The following CAPN8 variants were observed in gnomAD, a reference collection of about 807,000 sequenced individuals.
CAPN8 encodes the protein calpain 8.
CAPN8 carries 87 observed loss-of-function variants against 80.9 expected under a neutral mutation model. The ratio of observed to expected loss-of-function variants is 1.07; its 90% CI spans 0.90 to 1.28. The LOEUF (loss-of-function observed/expected upper bound fraction) is 1.28, where lower values mean the gene tolerates loss of function less well. CAPN8 is among the 50% of genes most tolerant of loss of function. The probability of loss-of-function intolerance (pLI) is 0.00; values close to 1 mark genes in which losing one functional copy is unlikely to be tolerated. For synonymous variants in CAPN8, 299 were observed against 273.8 expected (o/e 1.09, Z -0.91); for missense variants, 757 against 702.0 (o/e 1.08, Z -0.89).
At chr1:223,610,992 C>T (rs558145581) in intron 11 of CAPN8, among the ~76,000 whole-genome samples, 59 of 147,888 alleles carry the variant, frequency 4.0e-4, no homozygotes, top group African/African-American at 1.5e-3. Context: ...TTCAGAAGCA[C>T]ATTCTAAGTT....
intron 2 of CAPN8, chr1:223,642,544 G>T (rs936562281): frequency 3.4e-6 from 1 of 294,722 alleles, no homozygotes; most frequent in Admixed American, 4.6e-5. Context: ...GCATTTGGCC[G>T]AGGACTATTC....
intron 1 of CAPN8, among the ~76,000 whole-genome samples, chr1:223,660,091 T>G (rs988233002): frequency 6.6e-6 from 1 of 152,194 alleles, no homozygotes; most frequent in Admixed American, 6.5e-5. Context: ...CTGAGGCCTG[T>G]CACCCTCATC....
chr1:223,658,052 C>T (rs1181065594), intron 1 of CAPN8, among the ~76,000 whole-genome samples: 1 of 152,108 alleles, frequency 6.6e-6, no homozygotes, highest in African/African-American at 2.4e-5. Flanking sequence ...TCAAGGAACC[C>T]CTGGCTCTTG....
At chr1:223,548,541 G>A (rs1656693538) in intron 16 of CAPN8, among the ~76,000 whole-genome samples, 1 of 152,168 alleles carries the variant, frequency 6.6e-6, no homozygotes, top group African/African-American at 2.4e-5. Flanking sequence ...TGAAATTAGT[G>A]CCCTTATAAA....
intron 2 of CAPN8, among the ~76,000 whole-genome samples, chr1:223,633,055 G>T (rs1022714001): frequency 6.6e-6 from 1 of 152,208 alleles, no homozygotes; most frequent in African/African-American, 2.4e-5. Context: ...AGCACAGTGT[G>T]AGTCTAGCTC....
intron 9 of CAPN8, chr1:223,618,062 A>G: frequency 1.6e-6 from 1 of 634,150 alleles, no homozygotes; most frequent in Non-Finnish European, 2.8e-6. Context: ...CCCTGCAGTG[A>G]GCTCTGTCAT....
intron 2 of CAPN8, among the ~76,000 whole-genome samples, chr1:223,652,245 G>A (rs1658361937): frequency 6.6e-6 from 1 of 152,056 alleles, no homozygotes; most frequent in Non-Finnish European, 1.5e-5. Context: ...AGGAGGTTGA[G>A]GTGGGAGGAT....
chr1:223,641,578 T>C (rs1260920476), intron 2 of CAPN8, among the ~76,000 whole-genome samples: 1 of 152,164 alleles, frequency 6.6e-6, no homozygotes, highest in Non-Finnish European at 1.5e-5. Context: ...AGGAATAAAG[T>C]CCAGAATTCT....
intron 9 of CAPN8, chr1:223,617,529 T>G (rs4075735): frequency 0.75 from 114,286 of 152,056 alleles, 43,914 homozygotes; most frequent in African/African-American, 0.92. Flanking sequence ...AGATACCTTG[T>G]GCACCCCCTA....
chr1:223,643,565 A>G (rs564113346), intron 2 of CAPN8, among the ~76,000 whole-genome samples: 1 of 152,388 alleles, frequency 6.6e-6, no homozygotes, highest in African/African-American at 2.4e-5. Context: ...AAAGAGATAG[A>G]AAGGAAGCAA....
rs1656591642 is a variant in CAPN8, at chr1:223,545,311, A to G, written c.1765-12T>C. On this transcript the variant is annotated splice_polypyrimidine_tract_variant and intron_variant, in intron 16 of 20. Coordinates refer to ENST00000366872, the MANE Select transcript of CAPN8 (RefSeq NM_001143962.2). ...CCCGTTCCATTGCTCTAGGCACATT[A>G]AAGACCAACATGATTGAGTCCAAAT... The G allele has an allele frequency of 3.2e-6, 5 of 1,551,542 alleles. No homozygotes were observed. The highest frequency in any genetic ancestry group is 2.0e-5 in the Admixed American group (1 of 51,000).
At chr1:223,638,453 C>T (rs776977317) in intron 2 of CAPN8, among the ~76,000 whole-genome samples, 1 of 152,086 alleles carries the variant, frequency 6.6e-6, no homozygotes, top group Non-Finnish European at 1.5e-5. Context: ...GTATATGTAA[C>T]AGCAGGTATG....
intron 2 of CAPN8, among the ~76,000 whole-genome samples, chr1:223,639,875 G>A (rs1285908133): frequency 6.6e-6 from 1 of 152,240 alleles, no homozygotes; most frequent in African/African-American, 2.4e-5. Context: ...GCCAGGCAGT[G>A]TCAGAGCCAG....
intron 1 of CAPN8, among the ~76,000 whole-genome samples, chr1:223,661,165 TA>T (rs60908710): frequency 0.28 from 37,476 of 135,936 alleles, 4,913 homozygotes; most frequent in Middle Eastern, 0.33. Context: ...GACCCTGTCT[TA>T]AAAAAAAAAA....
At chr1:223,549,279 A>G (rs1277664894) in intron 16 of CAPN8, 39 bp downstream of exon 16, 1 of 1,526,202 alleles carries the variant, frequency 6.6e-7, no homozygotes, top group Non-Finnish European at 8.8e-7. Context: ...AACCGGACGA[A>G]AGTAAAAAAA....
intron 1 of CAPN8, among the ~76,000 whole-genome samples, chr1:223,662,109 A>G (rs1232003162): frequency 6.6e-6 from 1 of 152,208 alleles, no homozygotes; most frequent in East Asian, 1.9e-4. Context: ...GAGGTACCCA[A>G]CATAATCAAA....
intron 3 of CAPN8, among the ~76,000 whole-genome samples, chr1:223,628,408 T>C (rs1657665876): frequency 6.6e-6 from 1 of 152,196 alleles, no homozygotes; most frequent in Non-Finnish European, 1.5e-5. Flanking sequence ...CCACACCTCC[T>C]GACCCTCAGT....
intron 2 of CAPN8, among the ~76,000 whole-genome samples, chr1:223,643,292 G>A (rs180861174): frequency 2.8e-4 from 42 of 152,282 alleles, no homozygotes; most frequent in African/African-American, 7.2e-4. Flanking sequence ...TAAATGGCCC[G>A]GCAGTTCCAA....
At chr1:223,658,851 C>G (rs144294754) in intron 1 of CAPN8, among the ~76,000 whole-genome samples, 1 of 152,040 alleles carries the variant, frequency 6.6e-6, no homozygotes, top group South Asian at 2.1e-4. Flanking sequence ...CAAGGAGATT[C>G]CATCTCACTA....
Sources: gnomAD v4.1 joint callset for allele counts (sites outside exome capture counted in the v4.1 genomes callset) on GRCh38, gnomAD v4.1.1 for gene constraint, MANE v1.5 for transcripts, NCBI Gene and HGNC (gene_info 2026-07-23, HGNC 2026-07-21) for gene names.